LRMDA: variants seen among roughly 807,000 people sequenced by gnomAD.
The protein encoded by LRMDA is leucine rich melanocyte differentiation associated, also known as leucine-rich melanocyte differentiation-associated protein.
LRMDA carries 18 observed loss-of-function variants against 29.8 expected under a neutral mutation model. The ratio of observed to expected loss-of-function variants is 0.60; its 90% CI spans 0.42 to 0.90. The LOEUF (loss-of-function observed/expected upper bound fraction) is 0.90. LRMDA is among the 40% of genes least tolerant of loss of function. The pLI is 0.00. For synonymous variants in LRMDA, 125 were observed against 109.4 expected (o/e 1.14, Z -0.89); for missense variants, 273 against 273.9 (o/e 1.00, Z 0.02).
In LRMDA at chr10:76,371,875, G is replaced by T. The variant is rs547695621; in HGVS notation, c.601+47390G>T. Among the ~76,000 whole-genome samples the T allele has an allele frequency of 4.6e-5, 7 of 152,152 alleles. No individual in the cohort carries two copies. The East Asian group carries it at 1.4e-3, about 30-fold the overall frequency. ...CATGATTTGGACGCTTATCACTAGG[G>T]TCCTCTTTTTTGTGGGTGATTCTCT... On this transcript the variant is annotated intron_variant, in intron 6 of 6. Coordinates refer to ENST00000611255, the MANE Select transcript of LRMDA (RefSeq NM_001305581.2).
At chr10:75,475,193 A>G (rs1398370605) in intron 2 of LRMDA, among the ~76,000 whole-genome samples, 3 of 152,142 alleles carry the variant, frequency 2.0e-5, no homozygotes, top group Non-Finnish European at 4.4e-5. Context: ...CTGAAGACCC[A>G]GGAGGCCATA....
chr10:76,443,864 C>G (rs559102086), intron 6 of LRMDA, among the ~76,000 whole-genome samples: 1 of 152,188 alleles, frequency 6.6e-6, no homozygotes, highest in African/African-American at 2.4e-5. Flanking sequence ...CTTAATATTA[C>G]CCTTCTGGGT....
intron 5 of LRMDA, among the ~76,000 whole-genome samples, chr10:76,132,263 A>G (rs1382939155): frequency 6.6e-6 from 1 of 152,192 alleles, no homozygotes; most frequent in Non-Finnish European, 1.5e-5. Context: ...GCAGGAAGGC[A>G]GGGTGAGAGC....
intron 2 of LRMDA, among the ~76,000 whole-genome samples, chr10:76,017,491 A>G (rs1183657975): frequency 2.0e-5 from 3 of 152,218 alleles, no homozygotes; most frequent in African/African-American, 7.2e-5. Flanking sequence ...AACTAATTTC[A>G]CAGGAGATGT....
At chr10:75,467,265 T>C (rs140777845) in intron 2 of LRMDA, among the ~76,000 whole-genome samples, 1 of 152,188 alleles carries the variant, frequency 6.6e-6, no homozygotes, top group Non-Finnish European at 1.5e-5. Context: ...GTGTGAGCCA[T>C]GGCAGGGAAG....
chr10:75,979,379 A>G (rs1847127730), intron 2 of LRMDA, among the ~76,000 whole-genome samples: 1 of 152,206 alleles, frequency 6.6e-6, no homozygotes, highest in Non-Finnish European at 1.5e-5. Context: ...ATTAACAATT[A>G]AAACTAGTGC....
intron 2 of LRMDA, among the ~76,000 whole-genome samples, chr10:75,833,580 C>T (rs1416663476): frequency 6.6e-6 from 1 of 152,216 alleles, no homozygotes; most frequent in Non-Finnish European, 1.5e-5. Flanking sequence ...GTGAAGTATA[C>T]ATTCACCCCA....
intron 5 of LRMDA, among the ~76,000 whole-genome samples, chr10:76,149,269 G>T (rs959599269): frequency 1.4e-4 from 21 of 152,212 alleles, no homozygotes; most frequent in African/African-American, 4.3e-4. Context: ...CAGTCAAGGA[G>T]TGATTAGGAT....
At chr10:76,281,445 C>G (rs1285800237) in intron 5 of LRMDA, among the ~76,000 whole-genome samples, 1 of 152,048 alleles carries the variant, frequency 6.6e-6, no homozygotes, top group Non-Finnish European at 1.5e-5. Context: ...ACATAACGGC[C>G]CTATTGAAAA....
intron 6 of LRMDA, among the ~76,000 whole-genome samples, chr10:76,336,269 A>C (rs1199125930): frequency 6.6e-6 from 1 of 152,200 alleles, no homozygotes; most frequent in Non-Finnish European, 1.5e-5. Flanking sequence ...CATAAAATGA[A>C]ATCAGGGTTT....
chr10:75,615,553 G>C lies in LRMDA; in HGVS notation c.131+177059G>C, dbSNP rs188074483. 2.4e-3 allele frequency among the ~76,000 whole-genome samples: 361 copies of C among 152,140 alleles called. 1 individual carries two copies. Among genetic ancestry groups the C allele is most frequent in the Non-Finnish European group, 4.1e-3 (276 of 67,988 alleles). On this transcript the variant is annotated intron_variant, in intron 2 of 6. Coordinates refer to ENST00000611255, the MANE Select transcript of LRMDA (RefSeq NM_001305581.2). ...GTCTGTATGACAGCTGCATTTAAAA[G>C]GAAAAAATCCTTAATTACTCCCAGA...
At chr10:76,092,039 C>G (rs986265497) in intron 5 of LRMDA, among the ~76,000 whole-genome samples, 2 of 152,070 alleles carry the variant, frequency 1.3e-5, no homozygotes, top group African/African-American at 4.8e-5. Flanking sequence ...AGCCAAGTAA[C>G]CCTAGGGCAT....
chr10:76,322,812 T>A (rs1465553423), intron 5 of LRMDA, among the ~76,000 whole-genome samples: 2 of 152,090 alleles, frequency 1.3e-5, no homozygotes, highest in African/African-American at 4.8e-5. Context: ...GTATGATAGA[T>A]CTAGGGAGGA....
At chr10:76,141,389 A>G (rs1321448707) in intron 5 of LRMDA, among the ~76,000 whole-genome samples, 1 of 152,122 alleles carries the variant, frequency 6.6e-6, no homozygotes, top group Non-Finnish European at 1.5e-5. Flanking sequence ...TACACCTGGT[A>G]ATACATACTA....
At chr10:76,289,806 C>A (rs1476480703) in intron 5 of LRMDA, among the ~76,000 whole-genome samples, 1 of 152,156 alleles carries the variant, frequency 6.6e-6, no homozygotes, top group Non-Finnish European at 1.5e-5. Context: ...CAATCCTTTT[C>A]GAGCATCTGA....
At chr10:75,988,374 CAGGTCTGGGTGT>C (rs1193195649) in intron 2 of LRMDA, among the ~76,000 whole-genome samples, 17 of 152,210 alleles carry the variant, frequency 1.1e-4, no homozygotes, top group African/African-American at 3.6e-4. Flanking sequence ...GACCCAGAGA[CAGGTCTGGGTGT>C]CCAGGTGGTT....
At chr10:75,556,341 G>T (rs1840213195) in intron 2 of LRMDA, among the ~76,000 whole-genome samples, 1 of 152,142 alleles carries the variant, frequency 6.6e-6, no homozygotes, top group South Asian at 2.1e-4. Context: ...AAGACAGTGG[G>T]ACATCTTTCA....
intron 6 of LRMDA, among the ~76,000 whole-genome samples, chr10:76,377,938 G>A (rs922665478): frequency 2.6e-5 from 4 of 152,156 alleles, no homozygotes; most frequent in East Asian, 1.9e-4. Context: ...ATTCGGATTC[G>A]ATAGGAATTG....
At chr10:75,596,682 T>C (rs1840793541) in intron 2 of LRMDA, among the ~76,000 whole-genome samples, 1 of 152,192 alleles carries the variant, frequency 6.6e-6, no homozygotes, top group Non-Finnish European at 1.5e-5. Context: ...ATCCTTTGTG[T>C]TGGGAACATG....
Sources: gnomAD v4.1 joint callset for allele counts (sites outside exome capture counted in the v4.1 genomes callset) on GRCh38, gnomAD v4.1.1 for gene constraint, MANE v1.5 for transcripts, NCBI Gene and HGNC (gene_info 2026-07-23, HGNC 2026-07-21) for gene names.